Variants in PLCL1 observed in about 807,000 individuals in gnomAD.
The protein encoded by PLCL1 is inactive phospholipase C-like protein 1.
Under a neutral mutation model 84.4 loss-of-function variants are expected in PLCL1, and 41 were observed. That is an observed-to-expected ratio of 0.49 (90% CI 0.38 to 0.63). The LOEUF (loss-of-function observed/expected upper bound fraction) is 0.63, where lower values mean the gene tolerates loss of function less well. Ranked by LOEUF, PLCL1 falls within the 30% of genes least tolerant of loss-of-function variation. The pLI, the probability that PLCL1 is intolerant of heterozygous loss-of-function variation, is 0.00. For missense variants in PLCL1, 1,206 were observed against 1,367.8 expected (o/e 0.88, Z 1.87); for synonymous variants, 490 against 488.3 (o/e 1.00, Z -0.05).
rs1355598043 is a variant in PLCL1 at position 198,029,322 on chromosome 2, A to G, written c.241-54436A>G. Among the ~76,000 whole-genome samples the G allele has an allele frequency of 2.0e-5, 3 of 152,320 alleles. No individual in the cohort carries two copies. In the East Asian group the frequency reaches 5.8e-4, roughly 29 times the overall value. ...TTGTTTTATCAAACTTAGAGAATAT[A>G]ATTATTCAGAGAGTAATTTTCAGAT... On this transcript the variant is annotated intron_variant, in intron 1 of 5. Coordinates refer to ENST00000428675, the MANE Select transcript of PLCL1 (RefSeq NM_006226.4).
chr2:197,912,490 C>A lies in PLCL1; in HGVS notation c.240+107151C>A, dbSNP rs1157370251. Among the ~76,000 whole-genome samples, 5 of 151,954 alleles carry A rather than the reference C, an allele frequency of 3.3e-5. No individual in the cohort carries two copies. The East Asian group carries it at 9.7e-4, about 30-fold the overall frequency. On this transcript the variant is annotated intron_variant, in intron 1 of 5. Coordinates refer to ENST00000428675, the MANE Select transcript of PLCL1 (RefSeq NM_006226.4). ...AATCTTGCTGCTATAAAGACACATG[C>A]ACACGTATGTTTATTGCGGCATTAT... is the stretch of plus-strand genomic sequence containing the variant.
At chr2:197,940,197 A>T (rs1049627692) in intron 1 of PLCL1, among the ~76,000 whole-genome samples, 1 of 152,206 alleles carries the variant, frequency 6.6e-6, no homozygotes, top group Non-Finnish European at 1.5e-5. Context: ...AATGAACAAA[A>T]TACTTTTAAG....
At chr2:197,920,500 G>T (rs1688681472) in intron 1 of PLCL1, among the ~76,000 whole-genome samples, 1 of 152,016 alleles carries the variant, frequency 6.6e-6, no homozygotes, top group African/African-American at 2.4e-5. Context: ...TAACCAAATG[G>T]CTGCTTCATT....
chr2:197,939,587 C>G (rs1254791069), intron 1 of PLCL1, among the ~76,000 whole-genome samples: 1 of 152,074 alleles, frequency 6.6e-6, no homozygotes, highest in Non-Finnish European at 1.5e-5. Context: ...GTATCCTGTT[C>G]TCCTTCCTTT....
chr2:197,898,292 G>A (rs1377116334), intron 1 of PLCL1, among the ~76,000 whole-genome samples: 1 of 152,172 alleles, frequency 6.6e-6, no homozygotes, highest in Non-Finnish European at 1.5e-5. Context: ...CAAGGGTCTT[G>A]ATAGATCAGA....
intron 2 of PLCL1, among the ~76,000 whole-genome samples, chr2:198,088,056 T>A (rs1692930105): frequency 6.6e-6 from 1 of 152,222 alleles, no homozygotes; most frequent in African/African-American, 2.4e-5. Flanking sequence ...ATAAACCATT[T>A]CTGCACTTAA....
intron 1 of PLCL1, among the ~76,000 whole-genome samples, chr2:197,970,861 C>T (rs1356742918): frequency 6.6e-6 from 1 of 152,152 alleles, no homozygotes; most frequent in Non-Finnish European, 1.5e-5. Flanking sequence ...ACAAATAATG[C>T]CGTTCTCAAC....
At chr2:198,030,783 G>A (rs560706676) in intron 1 of PLCL1, among the ~76,000 whole-genome samples, 4 of 152,218 alleles carry the variant, frequency 2.6e-5, no homozygotes, top group South Asian at 4.1e-4. Flanking sequence ...CTGCAGAGGC[G>A]GAATTCTCAC....
At chr2:197,844,311 T>A (rs1193375187) in intron 1 of PLCL1, among the ~76,000 whole-genome samples, 3 of 152,102 alleles carry the variant, frequency 2.0e-5, no homozygotes, top group African/African-American at 7.2e-5. Context: ...CTCTCCTAAT[T>A]TCTGACCCCG....
chr2:197,912,579 T>C (rs1688503847), intron 1 of PLCL1, among the ~76,000 whole-genome samples: 2 of 149,800 alleles, frequency 1.3e-5, no homozygotes, highest in Admixed American at 1.3e-4. Flanking sequence ...ATTAAGAAAA[T>C]GTGGCACATA....
chr2:198,136,402 C>A (rs1461541906), intron 5 of PLCL1, among the ~76,000 whole-genome samples: 1 of 152,052 alleles, frequency 6.6e-6, no homozygotes, highest in African/African-American at 2.4e-5. Context: ...AGTCTTGGAG[C>A]CAGGATTTGA....
At chr2:197,844,547 G>A (rs1238252702) in intron 1 of PLCL1, among the ~76,000 whole-genome samples, 1 of 152,052 alleles carries the variant, frequency 6.6e-6, no homozygotes, top group Non-Finnish European at 1.5e-5. Flanking sequence ...AAGTGGAGTT[G>A]AGAAACTGAG....
At chr2:197,827,228 AT>A (rs1264868662) in intron 1 of PLCL1, among the ~76,000 whole-genome samples, 2 of 152,162 alleles carry the variant, frequency 1.3e-5, no homozygotes, top group East Asian at 3.8e-4. Context: ...CCTAGGAATA[AT>A]GTGCAAATCC....
At chr2:198,008,553 G>A (rs1310113110) in intron 1 of PLCL1, among the ~76,000 whole-genome samples, 1 of 150,066 alleles carries the variant, frequency 6.7e-6, no homozygotes. Flanking sequence ...TTTTTTTAAG[G>A]CTGCATAATA....
At chr2:198,088,737 T>G in intron 2 of PLCL1, 121 bp from the exon 3 acceptor site, 1 of 739,950 alleles carries the variant, frequency 1.4e-6, no homozygotes, top group Non-Finnish European at 2.5e-6. Context: ...AGATGAAGTA[T>G]AGTTATGAAT....
chr2:198,029,421 G>C (rs1451161581), intron 1 of PLCL1, among the ~76,000 whole-genome samples: 1 of 152,140 alleles, frequency 6.6e-6, no homozygotes, highest in Non-Finnish European at 1.5e-5. Flanking sequence ...TATTTTTCCT[G>C]TTGTGAGGAT....
intron 1 of PLCL1, among the ~76,000 whole-genome samples, chr2:197,984,969 C>T (rs1427589126): frequency 1.3e-5 from 2 of 151,118 alleles, no homozygotes; most frequent in African/African-American, 4.9e-5. Context: ...GAGACAGAGT[C>T]TCACTCTGTT....
At chr2:197,910,152 T>A (rs1358027359) in intron 1 of PLCL1, among the ~76,000 whole-genome samples, 1 of 152,236 alleles carries the variant, frequency 6.6e-6, no homozygotes, top group Admixed American at 6.5e-5. Flanking sequence ...ATGGTTAGCA[T>A]ATCTTCTTAG....
chr2:197,918,980 C>CAA, intron 1 of PLCL1, among the ~76,000 whole-genome samples: 1 of 151,788 alleles, frequency 6.6e-6, no homozygotes, highest in South Asian at 2.1e-4. Flanking sequence ...CTCACACACA[C>CAA]ACATACACAC....
Sources: allele counts gnomAD v4.1 joint callset (sites outside exome capture counted in the v4.1 genomes callset), GRCh38; gene constraint gnomAD v4.1.1; transcripts MANE v1.5; gene names NCBI Gene and HGNC (gene_info 2026-07-23, HGNC 2026-07-21).